Variants in LRRC4C observed in about 807,000 individuals in gnomAD.
The protein encoded by LRRC4C is leucine-rich repeat-containing protein 4C.
In LRRC4C, 5 loss-of-function variants were observed where a neutral mutation model predicts 33.6. The observed-to-expected ratio is 0.15, with a 90% CI of 0.08 to 0.31. LRRC4C has a LOEUF of 0.31. Among genes scored for constraint, LRRC4C ranks in the 10% least tolerant of loss-of-function variants. The pLI, the probability that LRRC4C is intolerant of heterozygous loss-of-function variation, is 1.00. For missense variants in LRRC4C, 560 were observed against 796.7 expected, an observed-to-expected ratio of 0.70 and a Z score of 3.58; for synonymous variants, 329 against 302.0, an observed-to-expected ratio of 1.09 and a Z score of -0.93.
chr11:40,210,323 G>A (rs1048173404), intron 5 of LRRC4C, among the ~76,000 whole-genome samples: 2 of 152,026 alleles, frequency 1.3e-5, no homozygotes, highest in African/African-American at 2.4e-5. Context: ...GAGCTTATAA[G>A]CTTTCTGGGC....
chr11:40,907,740 T>G (rs1956485747), intron 2 of LRRC4C, among the ~76,000 whole-genome samples: 1 of 152,208 alleles, frequency 6.6e-6, no homozygotes, highest in Non-Finnish European at 1.5e-5. Flanking sequence ...CTTCACTGAT[T>G]GGCAACAGAG....
intron 2 of LRRC4C, among the ~76,000 whole-genome samples, chr11:40,686,469 G>A (rs1429540812): frequency 1.3e-5 from 2 of 151,886 alleles, no homozygotes; most frequent in Non-Finnish European, 2.9e-5. Context: ...CCATTACCCC[G>A]AGAGATACTC....
At chr11:40,394,255 T>C (rs1949450558) in intron 3 of LRRC4C, among the ~76,000 whole-genome samples, 1 of 152,128 alleles carries the variant, frequency 6.6e-6, no homozygotes, top group African/African-American at 2.4e-5. Context: ...ATGCTCAGTA[T>C]GCTAGCGAAA....
Position 40,114,523 on chromosome 11 carries a change from G to C in LRRC4C, c.1770C>G (p.Ile590Met), listed in dbSNP as rs372488464. ...TATAGTGATTTAGGTGCTCATGCTC[G>C]ATAGCAGGCATGGGCAGGTGGCTTT... The part of the protein sequence containing the change: ...PMESHLPMPA[I>M]EHEHLNHYNS... Residue 590 changes from isoleucine to methionine, a missense_variant, in exon 7 of 7, where the codon ATC (isoleucine) becomes ATG (methionine). Around this residue, in one of 3 missense-constraint regions of LRRC4C, gnomAD observed 103 missense variants for 132.1 expected, o/e 0.78. Coordinates refer to ENST00000528697, the MANE Select transcript of LRRC4C (RefSeq NM_001258419.2). 1 of 1,614,102 alleles carries C rather than the reference G, an allele frequency of 6.2e-7. No homozygotes were observed. Among genetic ancestry groups the C allele is most frequent in the East Asian group, 2.2e-5 (1 of 44,864 alleles).
At chr11:41,341,517 C>T (rs1017013256) in intron 1 of LRRC4C, among the ~76,000 whole-genome samples, 22 of 152,028 alleles carry the variant, frequency 1.4e-4, no homozygotes, top group African/African-American at 5.1e-4. Flanking sequence ...GCTTTTCCCC[C>T]CATTAGTTGG....
At chr11:40,659,659 A>C (rs1943321598) in intron 2 of LRRC4C, among the ~76,000 whole-genome samples, 1 of 152,172 alleles carries the variant, frequency 6.6e-6, no homozygotes, top group South Asian at 2.1e-4. Flanking sequence ...TTGCCTGTGG[A>C]AAAGAGTTAC....
intron 3 of LRRC4C, among the ~76,000 whole-genome samples, chr11:40,336,740 G>A (rs1338469106): frequency 6.6e-6 from 1 of 152,042 alleles, no homozygotes; most frequent in Non-Finnish European, 1.5e-5. Context: ...ACTTTGGGAG[G>A]CCAAGATGGG....
At chr11:41,407,316 T>C (rs1954280958) in intron 1 of LRRC4C, among the ~76,000 whole-genome samples, 1 of 151,554 alleles carries the variant, frequency 6.6e-6, no homozygotes, top group Non-Finnish European at 1.5e-5. Flanking sequence ...TTTTTTTTTT[T>C]TTTGAGACAG....
chr11:40,522,080 T>C (rs1252234736), intron 3 of LRRC4C, among the ~76,000 whole-genome samples: 4 of 152,170 alleles, frequency 2.6e-5, no homozygotes, highest in Non-Finnish European at 1.5e-5. Flanking sequence ...TGGAGTGCGA[T>C]GGCACAATCT....
intron 3 of LRRC4C, among the ~76,000 whole-genome samples, chr11:40,637,930 T>G: frequency 6.6e-6 from 1 of 152,194 alleles, no homozygotes; most frequent in East Asian, 1.9e-4. Context: ...TACCTTGTGT[T>G]CCTCAAATGC....
chr11:40,727,338 T>C (rs2136740666), intron 2 of LRRC4C, among the ~76,000 whole-genome samples: 1 of 152,148 alleles, frequency 6.6e-6, no homozygotes, highest in East Asian at 1.9e-4. Flanking sequence ...ATTAATAAAT[T>C]GTACTAGGAA....
intron 2 of LRRC4C, among the ~76,000 whole-genome samples, chr11:40,872,956 C>A (rs1954720486): frequency 6.6e-6 from 1 of 151,998 alleles, no homozygotes; most frequent in South Asian, 2.1e-4. Flanking sequence ...ATCATCAGGT[C>A]TTTTTATTAT....
At chr11:40,960,015 T>A (rs537731147) in intron 1 of LRRC4C, among the ~76,000 whole-genome samples, 4 of 150,466 alleles carry the variant, frequency 2.7e-5, no homozygotes, top group African/African-American at 9.8e-5. Context: ...GAACAGTCAA[T>A]TGATAAAGAT....
intron 1 of LRRC4C, among the ~76,000 whole-genome samples, chr11:40,940,961 A>C (rs1958114985): frequency 6.7e-6 from 1 of 149,772 alleles, no homozygotes; most frequent in South Asian, 2.1e-4. Flanking sequence ...TTCTGATGGC[A>C]CAAGAATGAT....
At chr11:40,331,976 G>A (rs1379244876) in intron 3 of LRRC4C, among the ~76,000 whole-genome samples, 1 of 152,180 alleles carries the variant, frequency 6.6e-6, no homozygotes, top group Non-Finnish European at 1.5e-5. Flanking sequence ...GAACCCTAGT[G>A]AATACAGGTA....
intron 3 of LRRC4C, among the ~76,000 whole-genome samples, chr11:40,535,943 A>G (rs533358150): frequency 1.3e-5 from 2 of 152,342 alleles, no homozygotes; most frequent in Admixed American, 1.3e-4. Flanking sequence ...GATTAAGCAA[A>G]CTACCACTCT....
intron 2 of LRRC4C, among the ~76,000 whole-genome samples, chr11:40,797,783 C>CA (rs1296486531): frequency 6.6e-6 from 1 of 152,042 alleles, no homozygotes; most frequent in Non-Finnish European, 1.5e-5. Context: ...AACTTGACCA[C>CA]AAAGATAAAT....
chr11:40,661,262 T>A (rs1300103703), intron 2 of LRRC4C, among the ~76,000 whole-genome samples: 1 of 152,190 alleles, frequency 6.6e-6, no homozygotes, highest in Non-Finnish European at 1.5e-5. Context: ...TAGAATATCA[T>A]CTATTTTCTA....
intron 3 of LRRC4C, among the ~76,000 whole-genome samples, chr11:40,424,296 C>T (rs759141466): frequency 5.3e-5 from 8 of 152,090 alleles, no homozygotes; most frequent in Non-Finnish European, 1.0e-4. Context: ...AAATGAAACT[C>T]CAAATTGAAG....
Sources: allele counts gnomAD v4.1 joint callset (sites outside exome capture counted in the v4.1 genomes callset), GRCh38; gene constraint gnomAD v4.1.1; regional missense constraint gnomAD v4.1.1; transcripts MANE v1.5; gene names NCBI Gene and HGNC (gene_info 2026-07-23, HGNC 2026-07-21).